Variants in INTS2 observed in about 807,000 individuals in gnomAD.
INTS2 encodes integrator complex subunit 2.
Under a neutral mutation model 139.6 loss-of-function variants are expected in INTS2, and 57 were observed. The observed-to-expected ratio is 0.41, with a 90% CI of 0.33 to 0.51. The LOEUF (loss-of-function observed/expected upper bound fraction) is 0.51, where lower values mean the gene tolerates loss of function less well. Ranked by LOEUF, INTS2 falls within the 20% of genes least tolerant of loss-of-function variation. INTS2 has a pLI of 0.28. For synonymous variants in INTS2, 473 were observed against 493.4 expected, an observed-to-expected ratio of 0.96 and a Z score of 0.55; for missense variants, 1,196 against 1,436.7, an observed-to-expected ratio of 0.83 and a Z score of 2.71.
intron 14 of INTS2, among the ~76,000 whole-genome samples, 185 bp downstream of exon 14, chr17:61,891,328 T>G (rs1039594400): frequency 2.6e-5 from 4 of 152,022 alleles, no homozygotes; most frequent in Non-Finnish European, 4.4e-5. Context: ...AAAAAGTGCC[T>G]GTTTAGCAAA....
intron 14 of INTS2, among the ~76,000 whole-genome samples, chr17:61,890,900 C>T (rs374271150): frequency 1.4e-5 from 2 of 140,594 alleles, no homozygotes; most frequent in Admixed American, 7.6e-5. Context: ...AGGAGAATCG[C>T]TTGAACCCAG....
In INTS2 at chr17:61,904,526, G is replaced by T. The variant is rs1314624182; in HGVS notation, c.1241C>A (p.Thr414Lys). The T allele has an allele frequency of 1.9e-6, 3 of 1,611,894 alleles. No homozygotes were observed. In the Admixed American group the frequency reaches 5.0e-5, roughly 27 times the overall value. ...LQLMTSRPPA[T>K]PAGVRFVSLS... ...TGAAACAAAGCGAACCCCAGCTGGC[G>T]TAGCAGGAGGACGGCTCGTCATCAA... The change falls in exon 9 of 25, where the codon ACG (threonine) becomes AAG (lysine). Residue 414 changes from threonine (T) to lysine (K), a missense_variant. Coordinates refer to ENST00000251334, the MANE Select transcript of INTS2 (RefSeq NM_001351695.2).
intron 5 of INTS2, among the ~76,000 whole-genome samples, chr17:61,919,162 A>G (rs1046353567): frequency 1.3e-5 from 2 of 152,068 alleles, no homozygotes; most frequent in Admixed American, 6.6e-5. Context: ...TGACCTTGTG[A>G]TCTGCCCGCC....
chr17:61,927,977 T>C lies in INTS2; in HGVS notation c.-342A>G. The C allele has an allele frequency of 6.2e-7, 1 of 1,613,104 alleles. No homozygotes were observed. The highest frequency in any genetic ancestry group is 8.5e-7 in the Non-Finnish European group (1 of 1,179,084). ...GTCTGACTCCCGTCGGCCACCGTAC[T>C]GGTCTGAGAGGAAGGGTGGCTGCGA... is the stretch of plus-strand genomic sequence containing the variant. On this transcript the variant is annotated 5_prime_UTR_variant, in exon 1 of 25. Coordinates refer to ENST00000251334, the MANE Select transcript of INTS2 (RefSeq NM_001351695.2).
Position 61,912,527 on chromosome 17 carries a change from G to A in INTS2, c.650-457C>T, listed in dbSNP as rs988005125. The stretch of plus-strand genomic sequence containing the variant: ...AATCCGAGCTACTCAGGACGCTGAG[G>A]CAGGAGAATCGCTTGAACTGGGAGG... On this transcript the variant is annotated intron_variant, in intron 5 of 24. Coordinates refer to ENST00000251334, the MANE Select transcript of INTS2 (RefSeq NM_001351695.2). Among the ~76,000 whole-genome samples, 19 of 152,214 alleles carry A rather than the reference G, an allele frequency of 1.2e-4. No homozygotes were observed. In the East Asian group the frequency reaches 3.7e-3, roughly 29 times the overall value.
In INTS2 at chr17:61,893,330, C is replaced by T. The variant is rs1415719880; in HGVS notation, c.1698+435G>A. Among the ~76,000 whole-genome samples the T allele has an allele frequency of 1.3e-5, 2 of 152,124 alleles. No homozygotes were observed. The highest frequency in any genetic ancestry group is 6.6e-5 in the Admixed American group (1 of 15,266). The stretch of plus-strand genomic sequence containing the variant: ...AGCTTAATACCACACATTTCCTACA[C>T]AAAACCCACAATAAATGCCTACAAA... On this transcript the variant is annotated intron_variant, in intron 13 of 24. Coordinates refer to ENST00000251334, the MANE Select transcript of INTS2 (RefSeq NM_001351695.2). This position sits in a 1 kb window ranked among gnomAD's most constrained non-coding sequence, Gnocchi z 5.4.
At chr17:61,900,157 T>G (rs1255081045) in intron 9 of INTS2, among the ~76,000 whole-genome samples, 2 of 152,138 alleles carry the variant, frequency 1.3e-5, no homozygotes, top group African/African-American at 4.8e-5. Context: ...TCAGCAGACC[T>G]GAGGAAGCAA....
At chr17:61,911,271 A>C (rs1197967526) in intron 7 of INTS2, 1 of 446,246 alleles carries the variant, frequency 2.2e-6, no homozygotes, top group Non-Finnish European at 3.9e-6. Flanking sequence ...CCTATTTTTA[A>C]AAGAACTAAA....
intron 15 of INTS2, chr17:61,885,272 GC>G (rs2079215635): frequency 2.2e-6 from 1 of 456,892 alleles, no homozygotes; most frequent in South Asian, 3.0e-5. Flanking sequence ...GAAGCCATGT[GC>G]AAAAGTGCCC....
chr17:61,908,831 T>C (rs987577359), intron 7 of INTS2, among the ~76,000 whole-genome samples: 4 of 136,864 alleles, frequency 2.9e-5, no homozygotes, highest in African/African-American at 9.9e-5. Flanking sequence ...AGTTTTCAAA[T>C]GGGCTATAAA....
Position 61,927,939 on chromosome 17 carries a change from A to C in INTS2, c.-304T>G. ...TTTTCAACCTGCACCCAGCACCTTC[A>C]TTCATCCCCAGCGTCTGACTCCCGT... On this transcript the variant is annotated 5_prime_UTR_variant, in exon 1 of 25. It removes an upstream start codon present in the reference 5' UTR. Transcript: ENST00000251334. 2 of 1,613,980 alleles carry C rather than the reference A, an allele frequency of 1.2e-6. No homozygotes were observed. The highest frequency in any genetic ancestry group is 1.7e-6 in the Non-Finnish European group (2 of 1,179,886).
intron 15 of INTS2, among the ~76,000 whole-genome samples, chr17:61,889,518 C>T (rs758744352): frequency 7.2e-5 from 11 of 152,120 alleles, no homozygotes; most frequent in Non-Finnish European, 1.5e-4. Context: ...ATTTAGTGAA[C>T]AAGACCTATA....
At position 61,927,952 on chromosome 17, in the gene INTS2, G is replaced by T; in HGVS notation, c.-317C>A. The T allele has an allele frequency of 1.2e-6, 2 of 1,613,918 alleles. No individual in the cohort carries two copies. The highest frequency in any genetic ancestry group is 1.7e-6 in the Non-Finnish European group (2 of 1,179,870). On this transcript the variant is annotated 5_prime_UTR_variant, in exon 1 of 25. Transcript: ENST00000251334. ...CCCAGCACCTTCATTCATCCCCAGC[G>T]TCTGACTCCCGTCGGCCACCGTACT...
At chr17:61,880,337 C>T (rs1462619864) in intron 17 of INTS2, among the ~76,000 whole-genome samples, 2 of 152,128 alleles carry the variant, frequency 1.3e-5, no homozygotes, top group African/African-American at 2.4e-5. Flanking sequence ...TGAGCCACCA[C>T]GCCCGGCCTA....
In INTS2 at chr17:61,927,667, C is replaced by G. The variant is rs2079731795; in HGVS notation, c.-32G>C. 2 of 1,414,140 alleles carry G rather than the reference C, an allele frequency of 1.4e-6. No homozygotes were observed. Among genetic ancestry groups the G allele is most frequent in the Non-Finnish European group, 1.8e-6 (2 of 1,086,972 alleles). 87.6% of individuals were successfully genotyped at this position (1,414,140 alleles called of 1,614,324 possible). A position where few individuals can be genotyped will look rare whatever the true frequency, so the allele number is the denominator to read the frequency against. ...GACGCTTCATACCTTAAGATCTACC[C>G]TCCAGCCTCACGGAACCGCACACGG... On this transcript the variant is annotated 5_prime_UTR_variant, in exon 1 of 25. Coordinates refer to ENST00000251334, the MANE Select transcript of INTS2 (RefSeq NM_001351695.2).
At chr17:61,891,168 G>A (rs567988323) in intron 14 of INTS2, among the ~76,000 whole-genome samples, 64 of 151,832 alleles carry the variant, frequency 4.2e-4, no homozygotes, top group African/African-American at 1.4e-3. Flanking sequence ...TGTGGCAGGC[G>A]CCTGCAATCC....
rs750052877 is a variant in INTS2 at position 61,927,942 on chromosome 17, C to T, written c.-307G>A. 2 of 1,614,008 alleles carry T rather than the reference C, an allele frequency of 1.2e-6. No homozygotes were observed. The highest frequency in any genetic ancestry group is 2.2e-5 in the East Asian group (1 of 44,878). On this transcript the variant is annotated 5_prime_UTR_variant, in exon 1 of 25. The change abolishes an upstream ATG in the 5' untranslated region. Transcript: ENST00000251334. ...TCAACCTGCACCCAGCACCTTCATT[C>T]ATCCCCAGCGTCTGACTCCCGTCGG...
intron 5 of INTS2, among the ~76,000 whole-genome samples, chr17:61,917,625 A>C (rs1454638176): frequency 6.6e-6 from 1 of 152,168 alleles, no homozygotes; most frequent in Admixed American, 6.5e-5. Context: ...TGGGACTACC[A>C]GTGGGGAGGA....
At chr17:61,881,290 A>C in intron 16 of INTS2, 119 bp from the exon 17 acceptor site, 1 of 787,594 alleles carries the variant, frequency 1.3e-6, no homozygotes, top group Non-Finnish European at 2.0e-6. Context: ...GCTCTAAGTC[A>C]GTGTTTCTCA....
Sources: allele counts gnomAD v4.1 joint callset (sites outside exome capture counted in the v4.1 genomes callset), GRCh38; gene constraint gnomAD v4.1.1; non-coding constraint Gnocchi (gnomAD v3.1); transcripts MANE v1.5; gene names NCBI Gene and HGNC (gene_info 2026-07-23, HGNC 2026-07-21).